The following NAXD variants were observed in gnomAD, a reference collection of about 807,000 sequenced individuals.
NAXD encodes the protein NAD(P)HX dehydratase.
NAXD carries 22 observed loss-of-function variants against 35.8 expected under a neutral mutation model. The ratio of observed to expected loss-of-function variants is 0.62; its 90% CI spans 0.44 to 0.88. The LOEUF (loss-of-function observed/expected upper bound fraction) is 0.88. NAXD is among the 40% of genes least tolerant of loss of function. The probability of loss-of-function intolerance (pLI) is 0.00; values close to 1 mark genes in which losing one functional copy is unlikely to be tolerated. For missense variants in NAXD, 428 were observed against 437.7 expected, an observed-to-expected ratio of 0.98 and a Z score of 0.20; for synonymous variants, 189 against 177.6, an observed-to-expected ratio of 1.06 and a Z score of -0.51.
rs572996999 is a variant in NAXD, at chr13:110,628,907, A to C, written c.441+1360A>C. ...TTTTCTTTGTGAATTTAAGTTCACA[A>C]TTTAAAAACTGGTATCTTAAAAAAC... On this transcript the variant is annotated intron_variant, in intron 5 of 9. Coordinates refer to ENST00000680254, the MANE Select transcript of NAXD (RefSeq NM_001242882.2). This position sits in a 1 kb window ranked among gnomAD's most constrained non-coding sequence, Gnocchi z 4.1. Among the ~76,000 whole-genome samples the C allele has an allele frequency of 6.6e-6, 1 of 150,954 alleles. No individual in the cohort carries two copies. The highest frequency in any genetic ancestry group is 2.5e-5 in the African/African-American group (1 of 40,268).
chr13:110,617,180 T>C (rs1312670493), intron 1 of NAXD, among the ~76,000 whole-genome samples: 1 of 152,244 alleles, frequency 6.6e-6, no homozygotes, highest in Non-Finnish European at 1.5e-5. Flanking sequence ...GGGATTGTGG[T>C]TAAATGCTCT....
At position 110,618,364 on chromosome 13, in the gene NAXD, G is replaced by C. The variant is rs549340149; in HGVS notation, c.46+2717G>C. Among the ~76,000 whole-genome samples the C allele has an allele frequency of 8.5e-5, 13 of 152,268 alleles. No individual in the cohort carries two copies. The South Asian group carries it at 2.5e-3, about 29-fold the overall frequency. On this transcript the variant is annotated intron_variant, in intron 1 of 9. Transcript: ENST00000680254. The stretch of plus-strand genomic sequence containing the variant: ...TCACAAAGTCTTAAGATTTCACAAC[G>C]GAACAGGAGCAGGAGGAGGCGACTC...
intron 1 of NAXD, 43 bp downstream of exon 1, chr13:110,615,690 G>A: frequency 6.6e-7 from 1 of 1,526,072 alleles, no homozygotes; most frequent in Non-Finnish European, 8.7e-7. Flanking sequence ...CACACGCGCG[G>A]GGGCCGGAAC....
intron 2 of NAXD, among the ~76,000 whole-genome samples, chr13:110,623,943 AAT>A (rs1345478200): frequency 4.6e-5 from 7 of 151,882 alleles, no homozygotes; most frequent in Non-Finnish European, 1.0e-4. Flanking sequence ...CGGAGGTTGC[AAT>A]GAGCCAAGAT....
chr13:110,627,440 G>C lies in NAXD; in HGVS notation c.334G>C (p.Asp112His). ...SPELIVHPVL[D>H]SPNAVHEVEK... ...CCTGGCCTTCCTTTCCTTCTTTAGTGACAGCCCCAATGCTGTTCATGAGGT... is the reference window on the plus strand; with the variant it reads ...CCTGGCCTTCCTTTCCTTCTTTAGTCACAGCCCCAATGCTGTTCATGAGGT... Residue 112 changes from aspartate to histidine, a missense_variant and splice_region_variant, in exon 5 of 10, where the codon GAC becomes CAC. By Grantham distance (81) the Asp-to-His change is moderately conservative (BLOSUM62 -1). Coordinates refer to ENST00000680254, the MANE Select transcript of NAXD (RefSeq NM_001242882.2). 6.2e-7 allele frequency: 1 copy of C among 1,610,152 alleles called. No individual in the cohort carries two copies.
At chr13:110,619,138 T>G (rs974764336) in intron 1 of NAXD, among the ~76,000 whole-genome samples, 25 of 152,384 alleles carry the variant, frequency 1.6e-4, no homozygotes, top group Admixed American at 1.4e-3. Flanking sequence ...TCCGGTAATG[T>G]ATAGGTTATT....
In NAXD at chr13:110,638,884, G is replaced by A. The variant is rs1316414546; in HGVS notation, c.*356G>A. On this transcript the variant is annotated 3_prime_UTR_variant, in exon 10 of 10. Transcript: ENST00000680254. This position sits in a 1 kb window ranked among gnomAD's most constrained non-coding sequence, Gnocchi z 5.4. ...TCCCAGATCGGCGAAGTTTCTACTT[G>A]TTACTCTCTCTGCCGGCGCCCTTCG... The A allele has an allele frequency of 2.0e-5, 8 of 397,028 alleles. No individual in the cohort carries two copies. The highest frequency in any genetic ancestry group is 3.9e-5 in the Non-Finnish European group (8 of 207,690). The allele number at this position is 397,028 out of a possible 1,614,324, so 24.6% of individuals were successfully genotyped here.
chr13:110,624,788 A>G (rs562853196), intron 3 of NAXD, among the ~76,000 whole-genome samples: 1 of 152,288 alleles, frequency 6.6e-6, no homozygotes, highest in Non-Finnish European at 1.5e-5. Flanking sequence ...TTTAAAACCT[A>G]AAGCGTGATT....
chr13:110,638,792 C>G lies in NAXD; in HGVS notation c.*264C>G. 1 of 626,966 alleles carries G rather than the reference C, an allele frequency of 1.6e-6. No individual in the cohort carries two copies. The highest frequency in any genetic ancestry group is 1.6e-5 in the South Asian group (1 of 61,602). 38.8% of individuals were successfully genotyped at this position (626,966 alleles called of 1,614,324 possible). ...AGCTCCTTGGTAGTAACTGGGAAGA[C>G]AGAAATGAAGAAAATCACATGAGAA... On this transcript the variant is annotated 3_prime_UTR_variant, in exon 10 of 10. Coordinates refer to ENST00000680254, the MANE Select transcript of NAXD (RefSeq NM_001242882.2). This position sits in a 1 kb window ranked among gnomAD's most constrained non-coding sequence, Gnocchi z 5.4.
intron 1 of NAXD, among the ~76,000 whole-genome samples, chr13:110,619,095 C>G (rs909721407): frequency 6.6e-6 from 1 of 152,210 alleles, no homozygotes; most frequent in Non-Finnish European, 1.5e-5. Flanking sequence ...CACCTGGACT[C>G]GTGGCTGCAG....
At chr13:110,637,878 C>T in intron 9 of NAXD, 2 of 482,818 alleles carry the variant, frequency 4.1e-6, no homozygotes, top group South Asian at 3.1e-5. Flanking sequence ...GGACCATCCC[C>T]CAAACTAGGT....
chr13:110,631,094 A>G (rs1338115642), intron 5 of NAXD, among the ~76,000 whole-genome samples: 2 of 152,188 alleles, frequency 1.3e-5, no homozygotes, highest in Non-Finnish European at 1.5e-5. Context: ...GTCTAACAAC[A>G]TTAAGTCTTC....
chr13:110,635,559 A>C lies in NAXD; in HGVS notation c.689A>C (p.Glu230Ala), dbSNP rs1435818066. The change falls in exon 8 of 10, where the codon GAG becomes GCG. Residue 230 changes from glutamate to alanine, a missense_variant. This residue lies in a region of NAXD where 209 missense variants were observed against 214.6 expected (regional missense o/e 0.97). Coordinates refer to ENST00000680254, the MANE Select transcript of NAXD (RefSeq NM_001242882.2). ...AACGTGACGGTGGTCCAGAAAGGAG[A>C]GCGCGACATCCTCTCCAACGGCCAG... ...LGNVTVVQKG[E>A]RDILSNGQQV... is the part of the protein sequence containing the mutation. The C allele has an allele frequency of 2.5e-6, 4 of 1,613,876 alleles. No individual in the cohort carries two copies. Among genetic ancestry groups the C allele is most frequent in the African/African-American group, 1.3e-5 (1 of 74,884 alleles).
intron 1 of NAXD, among the ~76,000 whole-genome samples, chr13:110,618,886 G>A (rs569010885): frequency 3.3e-5 from 5 of 152,366 alleles, no homozygotes; most frequent in African/African-American, 9.6e-5. Context: ...AGGACTTTCA[G>A]CAGAGTGTGA....
chr13:110,616,445 T>G (rs1476020717), intron 1 of NAXD: 1 of 152,354 alleles, frequency 6.6e-6, no homozygotes, highest in East Asian at 1.9e-4. Context: ...AGGAGGTCCC[T>G]TGGGGAGGGA....
rs561978365 is a variant in NAXD, at chr13:110,632,110, G to A, written c.442-2435G>A. Among the ~76,000 whole-genome samples, 10 of 128,066 alleles carry A rather than the reference G, an allele frequency of 7.8e-5. No homozygotes were observed. The East Asian group carries it at 2.3e-3, about 29-fold the overall frequency. The allele number at this position is 128,066 out of a possible 152,430, so 84.0% of individuals were successfully genotyped here. On this transcript the variant is annotated intron_variant, in intron 5 of 9. Transcript: ENST00000680254. ...TCTTAAGGTGGCGCGTCTGGAGTCT[G>A]TTCCTTCTGATGTTCAGATGTGTTC...
At chr13:110,626,445 C>T (rs1284794471) in intron 4 of NAXD, among the ~76,000 whole-genome samples, 1 of 151,828 alleles carries the variant, frequency 6.6e-6, no homozygotes, top group Admixed American at 6.6e-5. Flanking sequence ...GCCAGTTAGA[C>T]ATCCAAGGGA....
chr13:110,633,952 T>C (rs895229535), intron 5 of NAXD, among the ~76,000 whole-genome samples: 6 of 152,208 alleles, frequency 3.9e-5, no homozygotes, highest in Admixed American at 6.5e-5. Context: ...TTAGTATCTG[T>C]TGGAGAACTG....
intron 1 of NAXD, among the ~76,000 whole-genome samples, chr13:110,619,352 C>T (rs531979900): frequency 6.6e-6 from 1 of 152,090 alleles, no homozygotes; most frequent in Non-Finnish European, 1.5e-5. Flanking sequence ...ACAGTATTAT[C>T]TGGTGGAACC....
Sources: allele counts gnomAD v4.1 joint callset (sites outside exome capture counted in the v4.1 genomes callset), GRCh38; gene constraint gnomAD v4.1.1; regional missense constraint gnomAD v4.1.1; non-coding constraint Gnocchi (gnomAD v3.1); transcripts MANE v1.5; gene names NCBI Gene and HGNC (gene_info 2026-07-23, HGNC 2026-07-21).